Variants in ADAMTS2 observed in about 807,000 individuals in gnomAD.
ADAMTS2 encodes ADAM metallopeptidase with thrombospondin type 1 motif 2.
A neutral mutation model predicts 123.0 loss-of-function variants in ADAMTS2; 50 were observed. That is an observed-to-expected ratio of 0.41 (90% CI 0.32 to 0.51). The LOEUF (loss-of-function observed/expected upper bound fraction) is 0.51. Among genes scored for constraint, ADAMTS2 ranks in the 20% least tolerant of loss-of-function variants. The pLI, the probability that ADAMTS2 is intolerant of heterozygous loss-of-function variation, is 0.35. For missense variants in ADAMTS2, 1,494 were observed against 1,705.2 expected, an observed-to-expected ratio of 0.88 and a Z score of 2.18; for synonymous variants, 678 against 695.4, an observed-to-expected ratio of 0.98 and a Z score of 0.39.
chr5:179,299,457 A>G (rs1223109353), intron 2 of ADAMTS2, among the ~76,000 whole-genome samples: 1 of 139,482 alleles, frequency 7.2e-6, no homozygotes, highest in Non-Finnish European at 1.5e-5. Flanking sequence ...TGAACCCAGG[A>G]GGCGGAGCTT....
intron 13 of ADAMTS2, among the ~76,000 whole-genome samples, chr5:179,133,337 A>G (rs1762998866): frequency 6.6e-6 from 1 of 152,008 alleles, no homozygotes; most frequent in Non-Finnish European, 1.5e-5. Context: ...GTGCAATCTC[A>G]GCTCACTGCA....
chr5:179,326,035 G>C (rs1757307384), intron 2 of ADAMTS2, among the ~76,000 whole-genome samples: 1 of 152,218 alleles, frequency 6.6e-6, no homozygotes, highest in African/African-American at 2.4e-5. Context: ...AACAAAGGCT[G>C]CCTCTCCGTC....
chr5:179,150,395 C>G (rs1261841668), intron 10 of ADAMTS2, among the ~76,000 whole-genome samples: 3 of 152,248 alleles, frequency 2.0e-5, no homozygotes, highest in Admixed American at 6.5e-5. Flanking sequence ...TCACTTCGGA[C>G]TTCTAACCCT....
chr5:179,301,777 C>A (rs535361916), intron 2 of ADAMTS2, among the ~76,000 whole-genome samples: 1 of 152,270 alleles, frequency 6.6e-6, no homozygotes, highest in East Asian at 1.9e-4. Context: ...CAAATGAGGG[C>A]AGGACCCCTG....
chr5:179,241,906 C>T (rs763813257), intron 3 of ADAMTS2, among the ~76,000 whole-genome samples: 3 of 152,256 alleles, frequency 2.0e-5, no homozygotes, highest in East Asian at 1.9e-4. Flanking sequence ...TTTCCGCCAG[C>T]GGGAAGGGCC....
intron 2 of ADAMTS2, among the ~76,000 whole-genome samples, chr5:179,276,373 C>T (rs1561673031): frequency 6.6e-6 from 1 of 152,136 alleles, no homozygotes; most frequent in Non-Finnish European, 1.5e-5. Context: ...GGATGAAGTG[C>T]AGGAATTAAC....
chr5:179,168,511 G>A (rs1048322252), intron 5 of ADAMTS2, among the ~76,000 whole-genome samples: 1 of 152,234 alleles, frequency 6.6e-6, no homozygotes, highest in Non-Finnish European at 1.5e-5. Context: ...CTGTGGGGGT[G>A]AGGGCATAAA....
In ADAMTS2 at chr5:179,223,566, G is replaced by A. The variant is rs6865313; in HGVS notation, c.689-15851C>T. On this transcript the variant is annotated intron_variant, in intron 3 of 21. Coordinates refer to ENST00000251582, the MANE Select transcript of ADAMTS2 (RefSeq NM_014244.5). ...CACACGAATGCACTCACACACACGCGAATGCACTCGCACACGCATGCACTC... is the reference window on the plus strand; with the variant it reads ...CACACGAATGCACTCACACACACGCAAATGCACTCGCACACGCATGCACTC... Among the ~76,000 whole-genome samples the A allele has an allele frequency of 2.7e-3, 400 of 145,560 alleles. 3 individuals are homozygous for A. The highest frequency in any genetic ancestry group is 9.7e-3 in the African/African-American group (381 of 39,090).
chr5:179,182,390 G>A (rs187878351), intron 4 of ADAMTS2, among the ~76,000 whole-genome samples: 5 of 152,286 alleles, frequency 3.3e-5, no homozygotes, highest in Non-Finnish European at 5.9e-5. Flanking sequence ...CTGCTGCCAC[G>A]TCAGGCCAGC....
chr5:179,279,977 C>T (rs1453028247), intron 2 of ADAMTS2, among the ~76,000 whole-genome samples: 1 of 152,250 alleles, frequency 6.6e-6, no homozygotes, highest in Non-Finnish European at 1.5e-5. Flanking sequence ...AGGTGCCAGC[C>T]ACTCCCGTCC....
chr5:179,196,076 C>T (rs1015647369), intron 4 of ADAMTS2, among the ~76,000 whole-genome samples: 5 of 152,208 alleles, frequency 3.3e-5, no homozygotes, highest in Non-Finnish European at 7.3e-5. Context: ...GCCTTCCCCA[C>T]CGCCACCATG....
chr5:179,203,637 G>A (rs1017421707), intron 4 of ADAMTS2, among the ~76,000 whole-genome samples: 6 of 152,166 alleles, frequency 3.9e-5, no homozygotes, highest in African/African-American at 1.4e-4. Flanking sequence ...GCCACACTGC[G>A]GCTTCCATCC....
In ADAMTS2 at chr5:179,303,614, G is replaced by C. The variant is rs1374942886; in HGVS notation, c.535-30550C>G. On this transcript the variant is annotated intron_variant, in intron 2 of 21. Coordinates refer to ENST00000251582, the MANE Select transcript of ADAMTS2 (RefSeq NM_014244.5). This position sits in a 1 kb window ranked among gnomAD's most constrained non-coding sequence, Gnocchi z 4.7. The stretch of plus-strand genomic sequence containing the variant: ...TAGAAAAAGCATTTCCGAATGCTCA[G>C]AGCCAAGCCAACACCTCATTTTTCT... 6.6e-6 allele frequency among the ~76,000 whole-genome samples: 1 copy of C among 152,194 alleles called. No homozygotes were observed. The highest frequency in any genetic ancestry group is 2.4e-5 in the African/African-American group (1 of 41,432).
intron 3 of ADAMTS2, among the ~76,000 whole-genome samples, chr5:179,267,193 C>T (rs927400067): frequency 3.3e-5 from 5 of 152,162 alleles, no homozygotes; most frequent in African/African-American, 9.7e-5. Context: ...GGCAAAGTCA[C>T]AGGGTGGAGA....
intron 2 of ADAMTS2, among the ~76,000 whole-genome samples, chr5:179,323,662 A>G (rs1256532552): frequency 2.6e-5 from 4 of 152,232 alleles, no homozygotes; most frequent in African/African-American, 7.2e-5. Context: ...CCCCAGACTT[A>G]ACAGCACCTG....
At chr5:179,179,119 A>G (rs377491176) in intron 5 of ADAMTS2, among the ~76,000 whole-genome samples, 1 of 151,914 alleles carries the variant, frequency 6.6e-6, no homozygotes. Flanking sequence ...TAATTTTTGT[A>G]TTTTTTTGGT....
intron 3 of ADAMTS2, among the ~76,000 whole-genome samples, chr5:179,244,027 G>GA (rs1765725980): frequency 6.6e-6 from 1 of 152,148 alleles, no homozygotes; most frequent in African/African-American, 2.4e-5. Context: ...GAAAAATGTG[G>GA]AAACCATAAA....
chr5:179,239,518 A>C (rs74856148), intron 3 of ADAMTS2, among the ~76,000 whole-genome samples: 182 of 152,238 alleles, frequency 1.2e-3, no homozygotes, highest in Non-Finnish European at 2.1e-3. Context: ...CTTGGATTTG[A>C]AGAGTGCAGA....
intron 2 of ADAMTS2, among the ~76,000 whole-genome samples, chr5:179,335,134 G>A (rs1757580764): frequency 6.6e-6 from 1 of 151,992 alleles, no homozygotes; most frequent in Non-Finnish European, 1.5e-5. Flanking sequence ...CCAGCAAAGG[G>A]GGACGTATCC....
Sources: allele counts gnomAD v4.1 joint callset (sites outside exome capture counted in the v4.1 genomes callset), GRCh38; gene constraint gnomAD v4.1.1; non-coding constraint Gnocchi (gnomAD v3.1); transcripts MANE v1.5; gene names NCBI Gene and HGNC (gene_info 2026-07-23, HGNC 2026-07-21).